Variants in RYR2 observed in about 807,000 individuals in gnomAD.
RYR2 encodes the protein cardiac muscle ryanodine receptor-calcium release channel.
In RYR2, 227 loss-of-function variants were observed where a neutral mutation model predicts 601.1. The ratio of observed to expected loss-of-function variants is 0.38; its 90% CI spans 0.34 to 0.42. The LOEUF (loss-of-function observed/expected upper bound fraction) is 0.42, where lower values mean the gene tolerates loss of function less well. RYR2 is among the 10% of genes least tolerant of loss of function. RYR2 has a pLI of 1.00. For synonymous variants in RYR2, 2,223 were observed against 2,175.1 expected, an observed-to-expected ratio of 1.02 and a Z score of -0.61; for missense variants, 4,646 against 6,156.5, an observed-to-expected ratio of 0.75 and a Z score of 8.21.
At chr1:237,380,423 G>T (rs1011640837) in intron 8 of RYR2, among the ~76,000 whole-genome samples, 7 of 59,498 alleles carry the variant, frequency 1.2e-4, no homozygotes, top group South Asian at 6.6e-4. Context: ...TATATATATA[G>T]TAAATACGAA....
rs563219502 is a variant in RYR2 at position 237,660,878 on chromosome 1, T to C, written c.8367T>C (p.Ile2789=). Residue 2789 remains isoleucine, a synonymous_variant, in exon 56 of 105, where the codon ATT becomes ATC. Transcript: ENST00000366574. The stretch of plus-strand genomic sequence containing the variant: ...CTATGCTGGCTTGGGGCTGGAGAAT[T>C]GAAAGAACTCGGGAGGGAGACAGCA... ...LKTMLAWGWR[I]ERTREGDSMA... 8.5e-5 allele frequency: 131 copies of C among 1,542,258 alleles called. No individual in the cohort carries two copies. Among genetic ancestry groups the C allele is most frequent in the Non-Finnish European group, 1.1e-4 (122 of 1,141,532 alleles).
chr1:237,649,850 G>T, intron 49 of RYR2, 27 bp from the exon 50 acceptor site: 1 of 1,602,526 alleles, frequency 6.2e-7, no homozygotes, highest in Non-Finnish European at 8.5e-7. Context: ...AACACAAATG[G>T]CCTTCTACTC....
intron 25 of RYR2, among the ~76,000 whole-genome samples, chr1:237,532,095 CATT>C (rs1440806691): frequency 7.2e-5 from 11 of 151,936 alleles, no homozygotes; most frequent in African/African-American, 2.4e-4. Flanking sequence ...CGATCATAGT[CATT>C]AAGTTAAAAT....
At chr1:237,726,183 A>G (rs1690178149) in intron 74 of RYR2, 90 bp from the exon 75 acceptor site, 5 of 888,818 alleles carry the variant, frequency 5.6e-6, no homozygotes, top group East Asian at 2.7e-5. Flanking sequence ...TACTTCAGAC[A>G]TTATTACAAT....
rs1328901402 is a variant in RYR2 at position 237,715,001 on chromosome 1, A to T, written c.10324-2197A>T. Among the ~76,000 whole-genome samples, 42 of 128,468 alleles carry T rather than the reference A, an allele frequency of 3.3e-4. 2 individuals are homozygous for T. Among genetic ancestry groups the T allele is most frequent in the East Asian group, 2.0e-4 (1 of 4,908 alleles). 84.3% of individuals were successfully genotyped at this position (128,468 alleles called of 152,430 possible). ...AGCGAGACTCCATCTCAAAAAAAAA[A>T]AAAAAAAAAAAAAAAAAAAAAAGGG... On this transcript the variant is annotated intron_variant, in intron 71 of 104. Transcript: ENST00000366574.
In RYR2 at chr1:237,633,717, A is replaced by G; in HGVS notation, c.6688+7A>G. On this transcript the variant is annotated splice_region_variant and intron_variant, in intron 43 of 104. Coordinates refer to ENST00000366574, the MANE Select transcript of RYR2 (RefSeq NM_001035.3). ...AACAGCAGTGTTGGTCTTGGTAAGT[A>G]AATGACTTTTATTTCATCTTTAAGG... 6.2e-7 allele frequency: 1 copy of G among 1,603,702 alleles called. No individual in the cohort carries two copies. Among genetic ancestry groups the G allele is most frequent in the Non-Finnish European group, 8.5e-7 (1 of 1,174,460 alleles).
At position 237,610,089 on chromosome 1, in the gene RYR2, A is replaced by G. The variant is rs1677665685; in HGVS notation, c.4684-673A>G. Reference sequence around the variant, plus strand: ...GTTTTCTTATGGTCCCATAAGAGGCAGGCATCGGTGTTGTCAAGATCATAG... The same window carrying G: ...GTTTTCTTATGGTCCCATAAGAGGCGGGCATCGGTGTTGTCAAGATCATAG... On this transcript the variant is annotated intron_variant, in intron 35 of 104. Coordinates refer to ENST00000366574, the MANE Select transcript of RYR2 (RefSeq NM_001035.3). This position sits in a 1 kb window ranked among gnomAD's most constrained non-coding sequence, Gnocchi z 4.9. Among the ~76,000 whole-genome samples, 1 of 152,194 alleles carries G rather than the reference A, an allele frequency of 6.6e-6. No individual in the cohort carries two copies.
chr1:237,340,030 G>T (rs1388653056), intron 3 of RYR2, among the ~76,000 whole-genome samples: 2 of 152,194 alleles, frequency 1.3e-5, no homozygotes, highest in Non-Finnish European at 2.9e-5. Context: ...AGAAGGAAGA[G>T]AACTGCATGT....
intron 12 of RYR2, among the ~76,000 whole-genome samples, chr1:237,426,778 G>A (rs948918126): frequency 1.3e-5 from 2 of 152,192 alleles, no homozygotes; most frequent in African/African-American, 4.8e-5. Context: ...CTGGGAGTCT[G>A]TGGTGGGAGG....
intron 29 of RYR2, among the ~76,000 whole-genome samples, chr1:237,571,337 A>G (rs1267335468): frequency 2.1e-5 from 3 of 143,768 alleles, no homozygotes; most frequent in Non-Finnish European, 3.0e-5. Context: ...TTTTTAAGAC[A>G]GAGTTTCACT....
chr1:237,341,526 T>A, intron 3 of RYR2: 1 of 398,322 alleles, frequency 2.5e-6, no homozygotes, highest in Non-Finnish European at 5.2e-6. Flanking sequence ...GTATTCGCGG[T>A]CTGTTTATTG....
chr1:237,487,142 T>A (rs921946826), intron 17 of RYR2, among the ~76,000 whole-genome samples: 9 of 152,294 alleles, frequency 5.9e-5, no homozygotes, highest in Non-Finnish European at 8.8e-5. Flanking sequence ...GCTTCACGAC[T>A]ATAGCTATTT....
chr1:237,315,429 T>C (rs1695015399), intron 2 of RYR2, among the ~76,000 whole-genome samples: 1 of 152,114 alleles, frequency 6.6e-6, no homozygotes, highest in Non-Finnish European at 1.5e-5. Context: ...TATTTAAATA[T>C]ATAAGTTATT....
At chr1:237,287,428 TC>T (rs1247828340) in intron 2 of RYR2, among the ~76,000 whole-genome samples, 1 of 152,210 alleles carries the variant, frequency 6.6e-6, no homozygotes, top group Non-Finnish European at 1.5e-5. Context: ...TTTCTCCTCT[TC>T]CTCAGGAACA....
At chr1:237,832,370 T>G (rs1256200302) in intron 104 of RYR2, among the ~76,000 whole-genome samples, 182 bp from the exon 105 acceptor site, 1 of 152,132 alleles carries the variant, frequency 6.6e-6, no homozygotes, top group African/African-American at 2.4e-5. Context: ...TTTATCATTA[T>G]AATGGTCAGG....
At chr1:237,173,998 A>T (rs1331779877) in intron 1 of RYR2, among the ~76,000 whole-genome samples, 1 of 152,140 alleles carries the variant, frequency 6.6e-6, no homozygotes, top group African/African-American at 2.4e-5. Context: ...CAGGGCTTGC[A>T]GTGAGCCGAG....
rs538451184 is a variant in RYR2, at chr1:237,719,235, C to A, written c.10554+714C>A. On this transcript the variant is annotated intron_variant, in intron 73 of 104. Coordinates refer to ENST00000366574, the MANE Select transcript of RYR2 (RefSeq NM_001035.3). ...CCGTGCCACTGCACTCCAGCCTAGA[C>A]AACAAAGGGAAACCCTGTCTCAAAA... Among the ~76,000 whole-genome samples, 5 of 152,178 alleles carry A rather than the reference C, an allele frequency of 3.3e-5. No individual in the cohort carries two copies. In the South Asian group the frequency reaches 8.3e-4, roughly 25 times the overall value.
At chr1:237,334,442 T>A (rs867817063) in intron 3 of RYR2, among the ~76,000 whole-genome samples, 53 of 131,706 alleles carry the variant, frequency 4.0e-4, no homozygotes, top group African/African-American at 1.8e-3. Context: ...TTAATTAAAA[T>A]ATATATATAT....
chr1:237,769,412 A>G (rs1694094300), intron 84 of RYR2, among the ~76,000 whole-genome samples: 1 of 152,228 alleles, frequency 6.6e-6, no homozygotes, highest in African/African-American at 2.4e-5. Context: ...TAATGTGCCT[A>G]TAACACTTAA....
Sources: allele counts gnomAD v4.1 joint callset (sites outside exome capture counted in the v4.1 genomes callset), GRCh38; gene constraint gnomAD v4.1.1; non-coding constraint Gnocchi (gnomAD v3.1); transcripts MANE v1.5; gene names NCBI Gene and HGNC (gene_info 2026-07-23, HGNC 2026-07-21).